PTPRG: variants seen among roughly 807,000 people sequenced by gnomAD.
PTPRG encodes the protein protein tyrosine phosphatase receptor type G, also known as receptor-type tyrosine-protein phosphatase gamma.
In PTPRG, 102 loss-of-function variants were observed where a neutral mutation model predicts 165.3. The ratio of observed to expected loss-of-function variants is 0.62; its 90% CI spans 0.53 to 0.73. PTPRG has a LOEUF of 0.73. PTPRG is among the 30% of genes least tolerant of loss of function. PTPRG has a pLI of 0.00. For synonymous variants in PTPRG, 675 were observed against 669.5 expected (o/e 1.01, Z -0.13); for missense variants, 1,866 against 1,861.4 (o/e 1.00, Z -0.05).
chr3:61,869,896 T>C (rs537318485), intron 2 of PTPRG, among the ~76,000 whole-genome samples: 133 of 152,234 alleles, frequency 8.7e-4, no homozygotes, highest in African/African-American at 2.9e-3. Context: ...CCACTGCACC[T>C]GGTCCTGGGT....
At position 62,267,492 on chromosome 3, in the gene PTPRG, T is replaced by TGTAA; in HGVS notation, c.2739+3_2739+6dup. 1 of 1,606,076 alleles carries TGTAA rather than the reference T, an allele frequency of 6.2e-7. No homozygotes were observed. The highest frequency in any genetic ancestry group is 1.7e-4 in the Middle Eastern group (1 of 6,028). Reference sequence around the variant, plus strand: ...ACTACATTAATGCAAACTATGTTGATGTAAGTCAGAACTGTTATTATAAAC... The same window carrying TGTAA: ...ACTACATTAATGCAAACTATGTTGATGTAAGTAAGTCAGAACTGTTATTATAAAC... On this transcript the variant is annotated frameshift_variant and splice_region_variant. Coordinates refer to ENST00000474889, the MANE Select transcript of PTPRG (RefSeq NM_002841.4). LOFTEE classifies it high-confidence loss of function.
intron 1 of PTPRG, among the ~76,000 whole-genome samples, chr3:61,655,693 A>T (rs57965131): frequency 6.6e-6 from 1 of 151,816 alleles, no homozygotes; most frequent in Non-Finnish European, 1.5e-5. Context: ...CTCCTGGCTC[A>T]CTCCTGGGCT....
rs144402527 is a variant in PTPRG at position 61,656,504 on chromosome 3, C to T, written c.86-92374C>T. The stretch of plus-strand genomic sequence containing the variant: ...TTCCAGAGCAAAGAAGAGACACAGT[C>T]TGAGTTACCAGTGCCAATTACTTGG... On this transcript the variant is annotated intron_variant, in intron 1 of 29. Coordinates refer to ENST00000474889, the MANE Select transcript of PTPRG (RefSeq NM_002841.4). 1.4e-3 allele frequency among the ~76,000 whole-genome samples: 213 copies of T among 152,348 alleles called. 1 individual carries two copies. Among genetic ancestry groups the T allele is most frequent in the African/African-American group, 4.9e-3 (205 of 41,590 alleles).
rs1473862918 is a variant in PTPRG at position 61,909,179 on chromosome 3, C to A, written c.191-80446C>A. Among the ~76,000 whole-genome samples the A allele has an allele frequency of 2.6e-5, 4 of 152,204 alleles. No individual in the cohort carries two copies. The East Asian group carries it at 7.7e-4, about 29-fold the overall frequency. The stretch of plus-strand genomic sequence containing the variant: ...AGTGGTGGTTCTTCAGCAGAAAATT[C>A]AAAGATCAGCTACTGAGAATTTTAG... On this transcript the variant is annotated intron_variant, in intron 2 of 29. Transcript: ENST00000474889.
At chr3:61,911,885 A>T (rs72882282) in intron 2 of PTPRG, among the ~76,000 whole-genome samples, 246 of 152,278 alleles carry the variant, frequency 1.6e-3, no homozygotes, top group African/African-American at 5.6e-3. Flanking sequence ...ATTTCATTGT[A>T]TTTTAATAGC....
chr3:61,830,187 TG>T (rs2036233985), intron 2 of PTPRG, among the ~76,000 whole-genome samples: 1 of 152,200 alleles, frequency 6.6e-6, no homozygotes. Context: ...GGCATAACCC[TG>T]GGAATACTGC....
intron 2 of PTPRG, among the ~76,000 whole-genome samples, chr3:61,939,191 C>G (rs2039551509): frequency 6.6e-6 from 1 of 152,146 alleles, no homozygotes; most frequent in Non-Finnish European, 1.5e-5. Flanking sequence ...CTTAAGGAAG[C>G]ATTTAAAAAT....
intron 14 of PTPRG, among the ~76,000 whole-genome samples, chr3:62,239,333 T>TTTCTTTC: frequency 6.6e-6 from 1 of 151,804 alleles, no homozygotes. Flanking sequence ...AAATTCTTTT[T>TTTCTTTC]TTTCTTTCTT....
chr3:62,064,173 T>C (rs1700919329), intron 4 of PTPRG, among the ~76,000 whole-genome samples: 1 of 152,164 alleles, frequency 6.6e-6, no homozygotes, highest in African/African-American at 2.4e-5. Flanking sequence ...AGCAAGTGTT[T>C]TAAACAGTTG....
At chr3:61,761,014 G>T (rs2033816269) in intron 2 of PTPRG, among the ~76,000 whole-genome samples, 1 of 152,032 alleles carries the variant, frequency 6.6e-6, no homozygotes. Context: ...TAGGCATTTG[G>T]GTTTATTCCA....
chr3:61,931,235 C>T (rs1257105699), intron 2 of PTPRG, among the ~76,000 whole-genome samples: 1 of 152,222 alleles, frequency 6.6e-6, no homozygotes, highest in Non-Finnish European at 1.5e-5. Flanking sequence ...GCTACCTGTG[C>T]CTGGAAGGCT....
At chr3:62,081,249 T>TC (rs1473933867) in intron 5 of PTPRG, among the ~76,000 whole-genome samples, 1 of 123,492 alleles carries the variant, frequency 8.1e-6, no homozygotes, top group East Asian at 2.1e-4. Flanking sequence ...AGAGTGAGAC[T>TC]CCGTCTCAAA....
At chr3:61,820,023 T>G (rs936634193) in intron 2 of PTPRG, among the ~76,000 whole-genome samples, 1 of 152,142 alleles carries the variant, frequency 6.6e-6, no homozygotes, top group African/African-American at 2.4e-5. Context: ...AAAGAATACA[T>G]TGGAGAAAAA....
chr3:61,765,362 A>G (rs2033986086), intron 2 of PTPRG, among the ~76,000 whole-genome samples: 2 of 152,168 alleles, frequency 1.3e-5, no homozygotes, highest in African/African-American at 2.4e-5. Context: ...GCTGCAGTAA[A>G]GAGGTGGTGA....
chr3:61,818,783 T>G (rs139685270), intron 2 of PTPRG, among the ~76,000 whole-genome samples: 87 of 151,688 alleles, frequency 5.7e-4, no homozygotes, highest in African/African-American at 1.7e-3. Context: ...AAAAAAATAT[T>G]AAAAATCACA....
At chr3:61,849,638 A>G (rs545972635) in intron 2 of PTPRG, among the ~76,000 whole-genome samples, 1 of 152,372 alleles carries the variant, frequency 6.6e-6, no homozygotes, top group East Asian at 1.9e-4. Flanking sequence ...CACAGTCATC[A>G]AAAGATAAAT....
intron 5 of PTPRG, among the ~76,000 whole-genome samples, chr3:62,110,475 A>G (rs1447084183): frequency 1.3e-5 from 2 of 151,930 alleles, no homozygotes; most frequent in Non-Finnish European, 2.9e-5. Context: ...ATATGAAGGC[A>G]TTTATCCACT....
At chr3:61,830,120 T>G (rs1019281995) in intron 2 of PTPRG, among the ~76,000 whole-genome samples, 4 of 152,326 alleles carry the variant, frequency 2.6e-5, no homozygotes, top group African/African-American at 9.6e-5. Flanking sequence ...CTGGTCAAAT[T>G]TATTCACTGA....
At chr3:61,629,369 G>A (rs747155400) in intron 1 of PTPRG, among the ~76,000 whole-genome samples, 4 of 152,066 alleles carry the variant, frequency 2.6e-5, no homozygotes, top group Non-Finnish European at 5.9e-5. Flanking sequence ...TGGCCAGGCT[G>A]GTCTTGAAAC....
Sources: gnomAD v4.1 joint callset for allele counts (sites outside exome capture counted in the v4.1 genomes callset) on GRCh38, gnomAD v4.1.1 for gene constraint, MANE v1.5 for transcripts, NCBI Gene and HGNC (gene_info 2026-07-23, HGNC 2026-07-21) for gene names.